TCF7L2: variants seen among roughly 807,000 people sequenced by gnomAD.
TCF7L2 encodes transcription factor 7-like 2.
A neutral mutation model predicts 77.9 loss-of-function variants in TCF7L2; 23 were observed. The ratio of observed to expected loss-of-function variants is 0.30; its 90% CI spans 0.21 to 0.42. The LOEUF (loss-of-function observed/expected upper bound fraction) is 0.42, where lower values mean the gene tolerates loss of function less well. Ranked by LOEUF, TCF7L2 falls within the 10% of genes least tolerant of loss-of-function variation. The pLI is 1.00. For missense variants in TCF7L2, 654 were observed against 793.1 expected (o/e 0.82, Z 2.11); for synonymous variants, 413 against 340.2 (o/e 1.21, Z -2.36).
intron 4 of TCF7L2, among the ~76,000 whole-genome samples, chr10:113,011,051 C>G (rs2046368893): frequency 6.6e-6 from 1 of 152,118 alleles, no homozygotes. Context: ...GGTGACTTTG[C>G]ATCTGGGCGT....
At chr10:113,071,387 C>T (rs1380192627) in intron 5 of TCF7L2, among the ~76,000 whole-genome samples, 3 of 152,008 alleles carry the variant, frequency 2.0e-5, no homozygotes, top group Non-Finnish European at 4.4e-5. Context: ...CTTTGAGGGT[C>T]CACTGGAGCA....
At chr10:113,014,467 T>G (rs1184020665) in intron 4 of TCF7L2, among the ~76,000 whole-genome samples, 1 of 152,160 alleles carries the variant, frequency 6.6e-6, no homozygotes, top group African/African-American at 2.4e-5. Flanking sequence ...ATGTGAGAAT[T>G]CAGGAAGCCC....
chr10:112,957,867 G>T (rs1270289613), intron 3 of TCF7L2, among the ~76,000 whole-genome samples: 1 of 152,124 alleles, frequency 6.6e-6, no homozygotes, highest in African/African-American at 2.4e-5. Context: ...GGCTGTTCTG[G>T]TGTATTACAA....
At chr10:113,008,268 A>G (rs1423272236) in intron 4 of TCF7L2, among the ~76,000 whole-genome samples, 1 of 152,150 alleles carries the variant, frequency 6.6e-6, no homozygotes, top group Non-Finnish European at 1.5e-5. Context: ...TCTTCCCCAC[A>G]CCTGCGTTGG....
At chr10:113,087,172 G>T (rs1283748070) in intron 5 of TCF7L2, among the ~76,000 whole-genome samples, 1 of 152,200 alleles carries the variant, frequency 6.6e-6, no homozygotes, top group African/African-American at 2.4e-5. Flanking sequence ...ATCTAGATCT[G>T]TACAGAGAGG....
intron 5 of TCF7L2, among the ~76,000 whole-genome samples, chr10:113,069,047 G>C (rs1223319134): frequency 6.6e-6 from 1 of 151,890 alleles, no homozygotes; most frequent in Non-Finnish European, 1.5e-5. Flanking sequence ...CTGGGGTCAG[G>C]TGTTTCCTCT....
rs763172072 is a variant in TCF7L2, at chr10:112,951,476, A to T, written c.257-7A>T. ...GCCGCTGTCCCCTCGCCGCCCCGCCATGTTAGCGGCCAAGAGGCAAGATGG... is the reference window on the plus strand; with the variant it reads ...GCCGCTGTCCCCTCGCCGCCCCGCCTTGTTAGCGGCCAAGAGGCAAGATGG... On this transcript the variant is annotated splice_polypyrimidine_tract_variant and splice_region_variant and intron_variant, in intron 2 of 13. Coordinates refer to ENST00000627217, the MANE Select transcript of TCF7L2 (RefSeq NM_001146274.2). The T allele has an allele frequency of 2.1e-6, 3 of 1,415,450 alleles. No individual in the cohort carries two copies. The highest frequency in any genetic ancestry group is 2.4e-5 in the South Asian group (2 of 83,542). 87.7% of individuals were successfully genotyped at this position (1,415,450 alleles called of 1,614,324 possible). A position where few individuals can be genotyped will look rare whatever the true frequency, so the allele number is the denominator to read the frequency against.
At chr10:112,967,834 C>T (rs2037344042) in intron 4 of TCF7L2, among the ~76,000 whole-genome samples, 1 of 152,032 alleles carries the variant, frequency 6.6e-6, no homozygotes, top group Non-Finnish European at 1.5e-5. Context: ...GGGGTTTCTC[C>T]ATGTTGGTCA....
intron 3 of TCF7L2, 78 bp downstream of exon 3, chr10:112,951,685 C>A: frequency 3.5e-6 from 3 of 845,978 alleles, no homozygotes; most frequent in Non-Finnish European, 4.3e-6. Flanking sequence ...GCGGCCCCTG[C>A]CCTGCCCCCT....
At chr10:112,994,018 G>T (rs1237255374) in intron 4 of TCF7L2, among the ~76,000 whole-genome samples, 2 of 150,460 alleles carry the variant, frequency 1.3e-5, no homozygotes, top group Non-Finnish European at 2.9e-5. Flanking sequence ...CCATGCCATT[G>T]CACTCCAGCC....
intron 4 of TCF7L2, among the ~76,000 whole-genome samples, chr10:113,038,386 A>G (rs374569384): frequency 6.6e-6 from 1 of 152,202 alleles, no homozygotes; most frequent in East Asian, 1.9e-4. Flanking sequence ...TTTGTAGCAG[A>G]CACACCCACC....
intron 4 of TCF7L2, among the ~76,000 whole-genome samples, chr10:112,983,828 G>A (rs1413812254): frequency 6.6e-6 from 1 of 152,204 alleles, no homozygotes; most frequent in African/African-American, 2.4e-5. Flanking sequence ...AGGTCAGCTT[G>A]TTGGAACTTT....
chr10:113,041,324 A>G (rs779002805), intron 5 of TCF7L2, among the ~76,000 whole-genome samples: 6 of 152,198 alleles, frequency 3.9e-5, no homozygotes, highest in African/African-American at 7.2e-5. Flanking sequence ...TAACTCCACA[A>G]TAAAATGGAT....
chr10:113,113,942 G>A (rs2063436162), intron 5 of TCF7L2, among the ~76,000 whole-genome samples: 1 of 152,142 alleles, frequency 6.6e-6, no homozygotes, highest in Non-Finnish European at 1.5e-5. Flanking sequence ...CAAAACCCAG[G>A]ATGACCATCA....
At chr10:113,070,808 T>C (rs1473184269) in intron 5 of TCF7L2, among the ~76,000 whole-genome samples, 6 of 152,168 alleles carry the variant, frequency 3.9e-5, no homozygotes, top group Non-Finnish European at 7.3e-5. Flanking sequence ...TACCTTACAA[T>C]TCATCCATTT....
chr10:113,148,287 TCTC>T (rs1448126402), intron 8 of TCF7L2, among the ~76,000 whole-genome samples: 3 of 152,056 alleles, frequency 2.0e-5, no homozygotes, highest in Non-Finnish European at 4.4e-5. Flanking sequence ...GCAAGGCTCT[TCTC>T]CTGACGAGAG....
At chr10:113,093,580 C>G (rs1591593777) in intron 5 of TCF7L2, among the ~76,000 whole-genome samples, 1 of 152,182 alleles carries the variant, frequency 6.6e-6, no homozygotes, top group African/African-American at 2.4e-5. Flanking sequence ...CCATGTAATT[C>G]AGCCAGATTC....
intron 5 of TCF7L2, among the ~76,000 whole-genome samples, chr10:113,068,364 C>T (rs753730604): frequency 1.3e-5 from 2 of 152,194 alleles, no homozygotes; most frequent in Non-Finnish European, 2.9e-5. Context: ...GACATTTAGC[C>T]AGTGATTGGC....
At chr10:113,109,281 T>TG (rs1255404447) in intron 5 of TCF7L2, among the ~76,000 whole-genome samples, 6 of 152,238 alleles carry the variant, frequency 3.9e-5, no homozygotes, top group Non-Finnish European at 5.9e-5. Flanking sequence ...GGTGTTATCT[T>TG]GGGGAAACAA....
Sources: gnomAD v4.1 joint callset for allele counts (sites outside exome capture counted in the v4.1 genomes callset) on GRCh38, gnomAD v4.1.1 for gene constraint, MANE v1.5 for transcripts, NCBI Gene and HGNC (gene_info 2026-07-23, HGNC 2026-07-21) for gene names.